Variants in SNAP91 observed in about 807,000 individuals in gnomAD.
The protein encoded by SNAP91 is clathrin coat assembly protein AP180.
Under a neutral mutation model 100.3 loss-of-function variants are expected in SNAP91, and 27 were observed. The ratio of observed to expected loss-of-function variants is 0.27; its 90% CI spans 0.20 to 0.37. The LOEUF is 0.37. SNAP91 is among the 10% of genes least tolerant of loss of function. SNAP91 has a pLI of 1.00. For synonymous variants in SNAP91, 404 were observed against 398.6 expected (o/e 1.01, Z -0.16); for missense variants, 986 against 1,123.7 (o/e 0.88, Z 1.75).
chr6:83,654,079 T>C (rs567846771), intron 7 of SNAP91, among the ~76,000 whole-genome samples: 7 of 152,290 alleles, frequency 4.6e-5, no homozygotes, highest in Middle Eastern at 3.4e-3. Context: ...CTAGTTGAGC[T>C]CCTGGAGGTA....
chr6:83,689,782 A>G (rs2099107824), intron 2 of SNAP91: 1 of 152,112 alleles, frequency 6.6e-6, no homozygotes, highest in Non-Finnish European at 1.5e-5. Context: ...TTTTCTATTA[A>G]TCCATGCCAA....
At chr6:83,581,768 G>A (rs1326393742) in intron 23 of SNAP91, among the ~76,000 whole-genome samples, 3 of 152,190 alleles carry the variant, frequency 2.0e-5, no homozygotes, top group Admixed American at 2.0e-4. Context: ...CAGCAGTGAT[G>A]AAAGGTTAAA....
intron 7 of SNAP91, among the ~76,000 whole-genome samples, chr6:83,645,058 C>T (rs2097860891): frequency 1.3e-5 from 2 of 152,126 alleles, no homozygotes; most frequent in Admixed American, 1.3e-4. Flanking sequence ...AACGCAAATT[C>T]TCAAGCCCCA....
intron 2 of SNAP91, among the ~76,000 whole-genome samples, chr6:83,689,434 T>G (rs1425413364): frequency 1.3e-5 from 2 of 152,188 alleles, no homozygotes; most frequent in African/African-American, 4.8e-5. Context: ...CTATGGTCTC[T>G]AGTAAAAATT....
At chr6:83,699,626 C>T (rs2099266548) in intron 2 of SNAP91, among the ~76,000 whole-genome samples, 1 of 152,100 alleles carries the variant, frequency 6.6e-6, no homozygotes, top group African/African-American at 2.4e-5. Context: ...TCAATGATAA[C>T]TGAAAAGCTG....
At chr6:83,672,791 C>T (rs914973675) in intron 2 of SNAP91, among the ~76,000 whole-genome samples, 1 of 152,114 alleles carries the variant, frequency 6.6e-6, no homozygotes, top group African/African-American at 2.4e-5. Flanking sequence ...GAAAGAGTTA[C>T]TTTCTATTTC....
intron 8 of SNAP91, among the ~76,000 whole-genome samples, chr6:83,630,775 T>TAA (rs36034560): frequency 6.7e-6 from 1 of 148,274 alleles, no homozygotes; most frequent in African/African-American, 2.5e-5. Flanking sequence ...AATTTTATCT[T>TAA]AAAAAAAAAA....
Position 83,621,150 on chromosome 6 carries a change from T to C in SNAP91, c.807+2151A>G, listed in dbSNP as rs76463939. Among the ~76,000 whole-genome samples, 521 of 152,270 alleles carry C rather than the reference T, an allele frequency of 3.4e-3. 3 individuals are homozygous for C. The highest frequency in any genetic ancestry group is 0.012 in the African/African-American group (489 of 41,542). On this transcript the variant is annotated intron_variant, in intron 9 of 29. Coordinates refer to ENST00000369694, the MANE Select transcript of SNAP91 (RefSeq NM_001242792.2). ...TCCAGTAGGCCTCGGTGTTTGTTGT[T>C]CACTTCTGTGTGTCATATATACTCA...
intron 2 of SNAP91, among the ~76,000 whole-genome samples, chr6:83,707,358 G>A (rs530434476): frequency 6.6e-6 from 1 of 150,468 alleles, no homozygotes; most frequent in East Asian, 1.9e-4. Flanking sequence ...ATGTATTTAG[G>A]AAAGAACTAG....
chr6:83,707,404 T>A (rs2099395142), intron 2 of SNAP91, among the ~76,000 whole-genome samples: 2 of 152,156 alleles, frequency 1.3e-5, no homozygotes, highest in African/African-American at 4.8e-5. Flanking sequence ...TTCATCTTTT[T>A]TTTTTTTGAC....
At chr6:83,698,410 T>G (rs2099250215) in intron 2 of SNAP91, among the ~76,000 whole-genome samples, 1 of 152,090 alleles carries the variant, frequency 6.6e-6, no homozygotes, top group Non-Finnish European at 1.5e-5. Context: ...AGTCATGTGT[T>G]AATCTAAGTG....
chr6:83,634,201 C>T (rs957676916), intron 8 of SNAP91, among the ~76,000 whole-genome samples: 4 of 152,106 alleles, frequency 2.6e-5, no homozygotes, highest in Non-Finnish European at 4.4e-5. Flanking sequence ...CTGAAGGACC[C>T]CTGTAAGGCC....
intron 2 of SNAP91, among the ~76,000 whole-genome samples, chr6:83,675,049 G>A (rs2098841763): frequency 6.6e-6 from 1 of 152,124 alleles, no homozygotes; most frequent in Non-Finnish European, 1.5e-5. Context: ...CTGAAGGGGA[G>A]GTGCTGAGAA....
At chr6:83,634,008 G>C (rs1000643061) in intron 8 of SNAP91, among the ~76,000 whole-genome samples, 3 of 152,004 alleles carry the variant, frequency 2.0e-5, no homozygotes, top group African/African-American at 7.2e-5. Flanking sequence ...GCTAAATGAC[G>C]AGTTAATGGG....
At chr6:83,608,901 C>A (rs926627857) in intron 12 of SNAP91, among the ~76,000 whole-genome samples, 1 of 152,054 alleles carries the variant, frequency 6.6e-6, no homozygotes, top group African/African-American at 2.4e-5. Context: ...CTCTCTTCAA[C>A]AAAAATTCAA....
intron 24 of SNAP91, among the ~76,000 whole-genome samples, chr6:83,577,457 T>C (rs1366849180): frequency 6.6e-6 from 1 of 152,216 alleles, no homozygotes; most frequent in African/African-American, 2.4e-5. Flanking sequence ...TATTTATGCC[T>C]GTTCATGTGA....
At chr6:83,702,626 A>C (rs1300011352) in intron 2 of SNAP91, among the ~76,000 whole-genome samples, 1 of 152,106 alleles carries the variant, frequency 6.6e-6, no homozygotes, top group Non-Finnish European at 1.5e-5. Flanking sequence ...ATTTTAAATC[A>C]CTAAAACAAC....
chr6:83,604,699 CA>C (rs1429380257), intron 14 of SNAP91, among the ~76,000 whole-genome samples: 6 of 152,150 alleles, frequency 3.9e-5, no homozygotes, highest in Admixed American at 3.9e-4. Flanking sequence ...GCTAGTGATG[CA>C]AATAATCTCT....
chr6:83,590,314 A>C (rs1295563663), intron 22 of SNAP91, among the ~76,000 whole-genome samples: 1 of 152,212 alleles, frequency 6.6e-6, no homozygotes, highest in East Asian at 1.9e-4. Context: ...GCTTATGAAA[A>C]TAATAATTTC....
Sources: allele counts gnomAD v4.1 joint callset (sites outside exome capture counted in the v4.1 genomes callset), GRCh38; gene constraint gnomAD v4.1.1; transcripts MANE v1.5; gene names NCBI Gene and HGNC (gene_info 2026-07-23, HGNC 2026-07-21).